RBL2: variants seen among roughly 807,000 people sequenced by gnomAD.
The protein encoded by RBL2 is retinoblastoma-like protein 2.
A neutral mutation model predicts 126.0 loss-of-function variants in RBL2; 56 were observed. The observed-to-expected ratio is 0.44, with a 90% CI of 0.36 to 0.56. The LOEUF (loss-of-function observed/expected upper bound fraction) is 0.56, where lower values mean the gene tolerates loss of function less well. RBL2 is among the 20% of genes least tolerant of loss of function. The pLI is 0.00. For synonymous variants in RBL2, 454 were observed against 478.5 expected (o/e 0.95, Z 0.67); for missense variants, 1,229 against 1,398.2 (o/e 0.88, Z 1.93).
At chr16:53,483,576 A>G (rs1270162619) in intron 21 of RBL2, among the ~76,000 whole-genome samples, 1 of 151,738 alleles carries the variant, frequency 6.6e-6, no homozygotes, top group Non-Finnish European at 1.5e-5. Context: ...AGTAAACAAG[A>G]ACAGCAAAAA....
intron 21 of RBL2, 151 bp from the exon 22 acceptor site, chr16:53,489,979 T>C: frequency 1.9e-6 from 1 of 516,504 alleles, no homozygotes; most frequent in Non-Finnish European, 3.1e-6. Context: ...AAAGTAAAGT[T>C]GGCAGGTTAT....
chr16:53,480,424 T>C, intron 19 of RBL2, 143 bp from the exon 20 acceptor site: 1 of 705,876 alleles, frequency 1.4e-6, no homozygotes. Context: ...TGAGCTTTGC[T>C]TTTTGGTGTG....
In RBL2 at chr16:53,470,087, C is replaced by CT; in HGVS notation, c.2148dup (p.Val717CysfsTer37). ...CCTGTGCAGAATGTATCTGGGGAGA[C>CT]TGTTTCTGTCACACCAGTTCCTGGA... On this transcript the variant is annotated frameshift_variant, in exon 15 of 22. Coordinates refer to ENST00000262133, the MANE Select transcript of RBL2 (RefSeq NM_005611.4). LOFTEE classifies it high-confidence loss of function. 1 of 1,614,214 alleles carries CT rather than the reference C, an allele frequency of 6.2e-7. No individual in the cohort carries two copies.
chr16:53,439,049 T>C lies in RBL2; in HGVS notation c.274T>C (p.Tyr92His), dbSNP rs1295103897. ...TCTTCATTGGTTAGCATGTGCCTTA[T>C]ATGTGGCTTGCAGAAAATCTGTTCC... ...NDLHWLACAL[Y>H]VACRKSVPTV... Residue 92 changes from tyrosine (Y) to histidine (H), a missense_variant, in exon 2 of 22, where the codon TAT (tyrosine) becomes CAT (histidine). This residue lies in a region of RBL2 where 1,070 missense variants were observed against 1,274.3 expected (regional missense o/e 0.84). Transcript: ENST00000262133. 2.5e-6 allele frequency: 4 copies of C among 1,606,174 alleles called. No homozygotes were observed. The African/African-American group carries it at 5.4e-5, about 22-fold the overall frequency.
At chr16:53,477,888 C>T (rs568424754) in intron 17 of RBL2, among the ~76,000 whole-genome samples, 74 of 152,082 alleles carry the variant, frequency 4.9e-4, no homozygotes, top group African/African-American at 1.3e-3. Flanking sequence ...TTATCTTTAC[C>T]AGTGCTCTTG....
chr16:53,453,357 G>A, intron 5 of RBL2, 95 bp from the exon 6 acceptor site: 2 of 1,127,724 alleles, frequency 1.8e-6, no homozygotes, highest in Middle Eastern at 2.0e-4. Context: ...ATGCTAAGTG[G>A]TATACTGATT....
intron 3 of RBL2, chr16:53,443,097 C>T: frequency 4.3e-6 from 1 of 231,122 alleles, no homozygotes; most frequent in Non-Finnish European, 8.2e-6. Context: ...TTTCATTTGT[C>T]TTATTTTATT....
At position 53,488,368 on chromosome 16, in the gene RBL2, G is replaced by A. The variant is rs140248555; in HGVS notation, c.3250-1762G>A. 2.6e-5 allele frequency: 4 copies of A among 152,314 alleles called. No homozygotes were observed. The East Asian group carries it at 7.7e-4, about 29-fold the overall frequency. The allele number at this position is 152,314 out of a possible 1,614,324, so 9.4% of individuals were successfully genotyped here. ...AAAACTATTGGACAAGAACATCAGTGGTGGTTTGGGATAGGCTGACAAGGG... is the reference window on the plus strand; with the variant it reads ...AAAACTATTGGACAAGAACATCAGTAGTGGTTTGGGATAGGCTGACAAGGG... On this transcript the variant is annotated intron_variant, in intron 21 of 21. Transcript: ENST00000262133.
intron 4 of RBL2, among the ~76,000 whole-genome samples, chr16:53,447,616 C>G (rs1224632551): frequency 6.6e-6 from 1 of 151,782 alleles, no homozygotes; most frequent in Non-Finnish European, 1.5e-5. Flanking sequence ...ATACATGTCT[C>G]TATTATTTTT....
chr16:53,470,224 T>C, intron 15 of RBL2, 39 bp downstream of exon 15: 3 of 1,574,410 alleles, frequency 1.9e-6, no homozygotes, highest in Admixed American at 1.7e-5. Flanking sequence ...TCCTTCTCTG[T>C]GGCATGTATT....
chr16:53,480,515 C>G (rs2150824878), intron 19 of RBL2, 52 bp from the exon 20 acceptor site: 1 of 1,481,358 alleles, frequency 6.8e-7, no homozygotes, highest in South Asian at 1.3e-5. Flanking sequence ...AAAATTAAAA[C>G]AGTCAATATT....
chr16:53,447,614 C>G (rs939440421), intron 4 of RBL2, among the ~76,000 whole-genome samples: 3 of 151,724 alleles, frequency 2.0e-5, no homozygotes, highest in African/African-American at 7.3e-5. Flanking sequence ...AAATACATGT[C>G]TCTATTATTT....
intron 19 of RBL2, chr16:53,480,215 G>A: frequency 1.9e-6 from 1 of 537,198 alleles, no homozygotes; most frequent in Non-Finnish European, 3.3e-6. Flanking sequence ...CTTTCAGGGA[G>A]GAATCTGCTT....
At chr16:53,487,369 G>C (rs1961216823) in intron 21 of RBL2, among the ~76,000 whole-genome samples, 1 of 152,168 alleles carries the variant, frequency 6.6e-6, no homozygotes, top group South Asian at 2.1e-4. Context: ...GAACAGAACA[G>C]AGTCCTGAAA....
At chr16:53,439,994 A>G (rs1297909406) in intron 2 of RBL2, among the ~76,000 whole-genome samples, 1 of 149,336 alleles carries the variant, frequency 6.7e-6, no homozygotes, top group Non-Finnish European at 1.5e-5. Context: ...TTACTATTAA[A>G]ATAATTAGCA....
chr16:53,459,764 T>C (rs887709947), intron 9 of RBL2, 147 bp downstream of exon 9: 2 of 687,724 alleles, frequency 2.9e-6, no homozygotes, highest in South Asian at 3.1e-5. Flanking sequence ...ATAGAGGACC[T>C]AGCAATAAGA....
intron 20 of RBL2, chr16:53,481,111 A>G (rs1675526734): frequency 5.0e-6 from 1 of 198,678 alleles, no homozygotes; most frequent in African/African-American, 2.3e-5. Context: ...GTGACCTGAG[A>G]TTGTGCCACT....
intron 17 of RBL2, among the ~76,000 whole-genome samples, chr16:53,478,242 TCTTGATG>T (rs1195996802): frequency 6.6e-6 from 1 of 152,210 alleles, no homozygotes; most frequent in Non-Finnish European, 1.5e-5. Context: ...GTTGTTTTTC[TCTTGATG>T]CTTTTAATAT....
chr16:53,434,893 G>T lies in RBL2; in HGVS notation c.240+97G>T, dbSNP rs993994902. 15 of 1,389,972 alleles carry T rather than the reference G, an allele frequency of 1.1e-5. No individual in the cohort carries two copies. The African/African-American group carries it at 2.0e-4, about 18-fold the overall frequency. The allele number at this position is 1,389,972 out of a possible 1,614,324, so 86.1% of individuals were successfully genotyped here. A position where few individuals can be genotyped will look rare whatever the true frequency, so the allele number is the denominator to read the frequency against. ...GCCTCGAGAGACTCTCGGGCGGGTT[G>T]CGGGCTCCCAGCCCCGAGAGGGGTG... On this transcript the variant is annotated intron_variant, in intron 1 of 21. Coordinates refer to ENST00000262133, the MANE Select transcript of RBL2 (RefSeq NM_005611.4).
Sources: gnomAD v4.1 joint callset for allele counts (sites outside exome capture counted in the v4.1 genomes callset) on GRCh38, gnomAD v4.1.1 for gene constraint, gnomAD v4.1.1 regional missense constraint, MANE v1.5 for transcripts, NCBI Gene and HGNC (gene_info 2026-07-23, HGNC 2026-07-21) for gene names.